Variants in CHN2 observed in about 807,000 individuals in gnomAD.
CHN2 encodes chimerin 2.
CHN2 carries 35 observed loss-of-function variants against 56.3 expected under a neutral mutation model. That is an observed-to-expected ratio of 0.62 (90% CI 0.47 to 0.82). CHN2 has a LOEUF of 0.82. CHN2 is among the 40% of genes least tolerant of loss of function. CHN2 has a pLI of 0.00. For synonymous variants in CHN2, 210 were observed against 212.8 expected (o/e 0.99, Z 0.12); for missense variants, 491 against 580.5 (o/e 0.85, Z 1.58).
chr7:29,315,860 G>C (rs539783579), intron 1 of CHN2, among the ~76,000 whole-genome samples: 1 of 152,158 alleles, frequency 6.6e-6, no homozygotes, highest in Admixed American at 6.5e-5. Context: ...TGGGAAGGGA[G>C]CTCTAAGATA....
intron 1 of CHN2, among the ~76,000 whole-genome samples, chr7:29,297,040 A>G (rs975429153): frequency 6.6e-6 from 1 of 152,216 alleles, no homozygotes; most frequent in African/African-American, 2.4e-5. Flanking sequence ...TCAGGTAAAG[A>G]CAGGGTTCTT....
At position 29,234,084 on chromosome 7, in the gene CHN2, C is replaced by G. The variant is rs182897023; in HGVS notation, c.49+39094C>G. ...TCCTGACCTCGTGATCCGCCCGCCT[C>G]GGCCTCCCAAAGTGCTGGGATTACA... On this transcript the variant is annotated intron_variant, in intron 1 of 12. Coordinates refer to ENST00000222792, the MANE Select transcript of CHN2 (RefSeq NM_004067.4). Among the ~76,000 whole-genome samples, 155 of 151,686 alleles carry G rather than the reference C, an allele frequency of 1.0e-3. 1 individual carries two copies. The East Asian group carries it at 0.028, about 28-fold the overall frequency.
At chr7:29,225,775 C>G (rs867102012) in intron 1 of CHN2, among the ~76,000 whole-genome samples, 10 of 152,118 alleles carry the variant, frequency 6.6e-5, no homozygotes, top group African/African-American at 2.4e-4. Context: ...ACTAATCACA[C>G]TGGAAAAGAT....
chr7:29,414,286 G>A lies in CHN2; in HGVS notation c.576+13458G>A, dbSNP rs922989247. On this transcript the variant is annotated intron_variant, in intron 6 of 12. Transcript: ENST00000222792. ...TGAAACACCCCCGAACTCTGGGATT[G>A]TAAAATGATATACATGGAGATTTTA... is the stretch of plus-strand genomic sequence containing the variant. Among the ~76,000 whole-genome samples, 6 of 152,246 alleles carry A rather than the reference G, an allele frequency of 3.9e-5. 1 individual carries two copies. The South Asian group carries it at 8.3e-4, about 21-fold the overall frequency.
At chr7:29,211,453 C>T (rs1020250163) in intron 1 of CHN2, among the ~76,000 whole-genome samples, 3 of 81,688 alleles carry the variant, frequency 3.7e-5, no homozygotes, top group Middle Eastern at 6.3e-3. Flanking sequence ...CATGTTGGCA[C>T]ACACACACAC....
intron 1 of CHN2, among the ~76,000 whole-genome samples, chr7:29,352,665 G>A (rs780950896): frequency 2.0e-5 from 3 of 152,186 alleles, no homozygotes; most frequent in Non-Finnish European, 2.9e-5. Context: ...AGAGGTTGCA[G>A]TGAGCCAAGA....
At chr7:29,500,240 C>T (rs1171270455) in intron 9 of CHN2, among the ~76,000 whole-genome samples, 200 bp downstream of exon 9, 1 of 152,058 alleles carries the variant, frequency 6.6e-6, no homozygotes, top group Non-Finnish European at 1.5e-5. Context: ...TATATATAAA[C>T]CATGCATATA....
intron 2 of CHN2, among the ~76,000 whole-genome samples, chr7:29,149,027 T>C (rs1215681798): frequency 6.6e-6 from 1 of 152,094 alleles, no homozygotes; most frequent in Non-Finnish European, 1.5e-5. Context: ...GCTGTGCTCT[T>C]GGACAGATGG....
chr7:29,309,665 G>A (rs1413109903), intron 1 of CHN2, among the ~76,000 whole-genome samples: 2 of 152,312 alleles, frequency 1.3e-5, no homozygotes, highest in East Asian at 3.9e-4. Context: ...CGTAACTTCG[G>A]GAGTTTGTGT....
intron 1 of CHN2, among the ~76,000 whole-genome samples, chr7:29,239,162 G>A (rs1484207768): frequency 3.3e-5 from 5 of 152,212 alleles, no homozygotes; most frequent in Non-Finnish European, 7.3e-5. Context: ...GGAGATGATT[G>A]CTCAGGCCAG....
chr7:29,502,684 T>C (rs189369124), intron 9 of CHN2, among the ~76,000 whole-genome samples: 69 of 152,320 alleles, frequency 4.5e-4, no homozygotes, highest in African/African-American at 1.6e-3. Context: ...TCAGGAAAAT[T>C]ACCCCCATTT....
At chr7:29,502,517 A>C (rs537267531) in intron 9 of CHN2, among the ~76,000 whole-genome samples, 1 of 152,354 alleles carries the variant, frequency 6.6e-6, no homozygotes, top group Admixed American at 6.5e-5. Flanking sequence ...TTACAACAGA[A>C]GAATGGGAGA....
At chr7:29,258,642 A>G (rs1319842980) in intron 1 of CHN2, among the ~76,000 whole-genome samples, 5 of 152,106 alleles carry the variant, frequency 3.3e-5, no homozygotes, top group African/African-American at 1.2e-4. Flanking sequence ...ATTCTTTTGA[A>G]GTAGTGAGGA....
chr7:29,392,395 C>A (rs1801436371), intron 3 of CHN2, among the ~76,000 whole-genome samples: 1 of 152,202 alleles, frequency 6.6e-6, no homozygotes, highest in African/African-American at 2.4e-5. Flanking sequence ...TACACACTTT[C>A]TGCTTCTATT....
chr7:29,282,533 A>T (rs902205868), intron 1 of CHN2, among the ~76,000 whole-genome samples: 1 of 152,258 alleles, frequency 6.6e-6, no homozygotes, highest in Non-Finnish European at 1.5e-5. Flanking sequence ...TTTGAAAAAT[A>T]ATTGTTATAA....
At chr7:29,378,628 A>G (rs1194896973) in intron 3 of CHN2, among the ~76,000 whole-genome samples, 1 of 152,246 alleles carries the variant, frequency 6.6e-6, no homozygotes. Flanking sequence ...CCCTTGCTAG[A>G]AAAAAGTTTG....
chr7:29,483,892 C>T, intron 7 of CHN2: 2 of 1,302,522 alleles, frequency 1.5e-6, no homozygotes. Context: ...GCTCTCTCTG[C>T]CTCAGTTCCC....
chr7:29,202,014 A>G (rs942965524), intron 1 of CHN2, among the ~76,000 whole-genome samples: 1 of 152,244 alleles, frequency 6.6e-6, no homozygotes, highest in African/African-American at 2.4e-5. Context: ...GTATGATTCA[A>G]GCTTTATTTA....
intron 6 of CHN2, among the ~76,000 whole-genome samples, chr7:29,455,625 A>G (rs1327105625): frequency 6.6e-6 from 1 of 152,224 alleles, no homozygotes; most frequent in African/African-American, 2.4e-5. Context: ...TATTATTTTT[A>G]AAAGGTCAAA....
Sources: allele counts gnomAD v4.1 joint callset (sites outside exome capture counted in the v4.1 genomes callset), GRCh38; gene constraint gnomAD v4.1.1; transcripts MANE v1.5; gene names NCBI Gene and HGNC (gene_info 2026-07-23, HGNC 2026-07-21).